The following XPO6 variants were observed in gnomAD, a reference collection of about 807,000 sequenced individuals.
XPO6 encodes exportin 6, also known as exportin-6.
A neutral mutation model predicts 130.0 loss-of-function variants in XPO6; 3 were observed. The observed-to-expected ratio is 0.02, with a 90% CI of 0.01 to 0.06. XPO6 has a LOEUF of 0.06. Ranked by LOEUF, XPO6 falls within the 10% of genes least tolerant of loss-of-function variation. The pLI, the probability that XPO6 is intolerant of heterozygous loss-of-function variation, is 1.00. For synonymous variants in XPO6, 524 were observed against 548.9 expected, an observed-to-expected ratio of 0.95 and a Z score of 0.63; for missense variants, 970 against 1,393.0, an observed-to-expected ratio of 0.70 and a Z score of 4.83.
intron 21 of XPO6, among the ~76,000 whole-genome samples, chr16:28,104,035 C>T (rs926073945): frequency 2.0e-5 from 3 of 152,224 alleles, no homozygotes; most frequent in Non-Finnish European, 2.9e-5. Flanking sequence ...CAGTCTTCCA[C>T]AGCAAGGGGT....
chr16:28,154,192 T>C (rs913834417), intron 7 of XPO6: 8 of 980,018 alleles, frequency 8.2e-6, no homozygotes, highest in Non-Finnish European at 9.6e-6. Context: ...TACATGGATA[T>C]TCAAAGTCAC....
chr16:28,161,161 G>C (rs1371920711), intron 6 of XPO6, among the ~76,000 whole-genome samples: 1 of 152,140 alleles, frequency 6.6e-6, no homozygotes, highest in African/African-American at 2.4e-5. Context: ...CATTTCTGAA[G>C]GGTTAACTGC....
chr16:28,194,069 G>A (rs750899868), intron 1 of XPO6, among the ~76,000 whole-genome samples: 5 of 151,856 alleles, frequency 3.3e-5, no homozygotes, highest in Admixed American at 6.6e-5. Context: ...CTAACCTCTC[G>A]GAGCTCAAGT....
intron 9 of XPO6, among the ~76,000 whole-genome samples, chr16:28,140,867 A>G (rs1203635829): frequency 6.6e-6 from 1 of 152,176 alleles, no homozygotes; most frequent in Non-Finnish European, 1.5e-5. Context: ...TGAATAAAGA[A>G]CAAATGAACA....
chr16:28,121,028 T>C (rs1354523112), intron 14 of XPO6, among the ~76,000 whole-genome samples: 1 of 152,260 alleles, frequency 6.6e-6, no homozygotes, highest in Non-Finnish European at 1.5e-5. Flanking sequence ...TTCTGGGCAG[T>C]GAAATCTCTG....
In XPO6 at chr16:28,101,079, A is replaced by G. The variant is rs1012762507; in HGVS notation, c.3276+379T>C. The stretch of plus-strand genomic sequence containing the variant: ...GAAGTGCAGCTCCCAAGCACCAACC[A>G]TCTCAGCCTGAATGCAAGCCTGGGC... On this transcript the variant is annotated intron_variant, in intron 23 of 23. Coordinates refer to ENST00000304658, the MANE Select transcript of XPO6 (RefSeq NM_015171.4). The surrounding 1 kb of genome is among the most constrained non-coding windows in gnomAD (Gnocchi z 5.4). The G allele has an allele frequency of 1.5e-5, 5 of 337,786 alleles. No homozygotes were observed. Among genetic ancestry groups the G allele is most frequent in the South Asian group, 1.2e-4 (5 of 40,954 alleles). The allele number at this position is 337,786 out of a possible 1,614,324, so 20.9% of individuals were successfully genotyped here. A position where few individuals can be genotyped will look rare whatever the true frequency, so the allele number is the denominator to read the frequency against.
At chr16:28,198,624 C>A (rs993132538) in intron 1 of XPO6, among the ~76,000 whole-genome samples, 2 of 147,264 alleles carry the variant, frequency 1.4e-5, no homozygotes, top group Non-Finnish European at 3.0e-5. Context: ...GGCAACACAG[C>A]GAGATCCTAT....
chr16:28,175,683 TA>T (rs67665437), intron 4 of XPO6, among the ~76,000 whole-genome samples: 685 of 2,798 alleles, frequency 0.24, 6 homozygotes, highest in African/African-American at 0.27. Flanking sequence ...CACAAGAGGT[TA>T]AAAAGAGATT....
chr16:28,192,842 A>G (rs1413044245), intron 1 of XPO6, among the ~76,000 whole-genome samples: 1 of 152,200 alleles, frequency 6.6e-6, no homozygotes, highest in African/African-American at 2.4e-5. Context: ...ATAAGCAATG[A>G]GAAAACTAAC....
intron 12 of XPO6, 130 bp from the exon 13 acceptor site, chr16:28,125,978 A>G: frequency 1.8e-6 from 2 of 1,125,838 alleles, no homozygotes; most frequent in Non-Finnish European, 2.5e-6. Context: ...AAAGCAACCC[A>G]CGGGCTGCTT....
chr16:28,122,583 C>G (rs759692095), intron 13 of XPO6, among the ~76,000 whole-genome samples: 1 of 151,938 alleles, frequency 6.6e-6, no homozygotes, highest in Non-Finnish European at 1.5e-5. Flanking sequence ...CCATTGCACT[C>G]CAGCCTGGGT....
intron 5 of XPO6, among the ~76,000 whole-genome samples, chr16:28,168,486 A>G (rs2043393572): frequency 6.6e-6 from 1 of 152,178 alleles, no homozygotes; most frequent in African/African-American, 2.4e-5. Flanking sequence ...CTGTCTCAAA[A>G]AAAGGAAAAA....
At chr16:28,176,208 A>T (rs1402284495) in intron 3 of XPO6, 113 bp from the exon 4 acceptor site, 24 of 964,500 alleles carry the variant, frequency 2.5e-5, no homozygotes, top group Non-Finnish European at 3.7e-5. Context: ...TCTTTAAATA[A>T]AGGTTTGGGG....
In XPO6 at chr16:28,101,874, G is replaced by T; in HGVS notation, c.3018C>A (p.Leu1006=). The T allele has an allele frequency of 6.2e-7, 1 of 1,614,100 alleles. No individual in the cohort carries two copies. Among genetic ancestry groups the T allele is most frequent in the South Asian group, 1.1e-5 (1 of 91,068 alleles). Reference sequence around the variant, plus strand: ...TGTGGTACAGCTTCTGCTTGGTGTTGAGAGTCTCCAAGTAGAAGAGATTTT... The same window carrying T: ...TGTGGTACAGCTTCTGCTTGGTGTTTAGAGTCTCCAAGTAGAAGAGATTTT... ...FKQNLFYLET[L]NTKQKLYHKK... The change falls in exon 22 of 24, where the codon CTC becomes CTA. Residue 1006 remains leucine, a synonymous_variant. Transcript: ENST00000304658. This position sits in a 1 kb window ranked among gnomAD's most constrained non-coding sequence, Gnocchi z 5.4.
chr16:28,169,349 T>G (rs2043413367), intron 5 of XPO6, among the ~76,000 whole-genome samples: 1 of 152,196 alleles, frequency 6.6e-6, no homozygotes. Flanking sequence ...ACACCATGTC[T>G]CACTTCCTTA....
chr16:28,208,792 C>G (rs760781351), intron 1 of XPO6, among the ~76,000 whole-genome samples: 20 of 152,294 alleles, frequency 1.3e-4, no homozygotes, highest in Non-Finnish European at 2.2e-4. Context: ...GTAAGTTTCC[C>G]AAGGGGAGGA....
intron 17 of XPO6, among the ~76,000 whole-genome samples, chr16:28,108,639 G>A (rs205363): frequency 0.26 from 40,312 of 152,182 alleles, 5,486 homozygotes; most frequent in Middle Eastern, 0.32. Context: ...GGCTCAGCCT[G>A]AGCCTAGCAG....
chr16:28,138,008 A>G (rs1053935207), intron 9 of XPO6, among the ~76,000 whole-genome samples: 24 of 152,118 alleles, frequency 1.6e-4, no homozygotes, highest in Admixed American at 8.5e-4. Context: ...TGACTCCCCA[A>G]CTGTATGCAA....
At chr16:28,154,194 C>A (rs970596270) in intron 7 of XPO6, 1 of 967,864 alleles carries the variant, frequency 1.0e-6, no homozygotes, top group Admixed American at 7.7e-5. Flanking sequence ...CATGGATATT[C>A]AAAGTCACCA....
Sources: gnomAD v4.1 joint callset for allele counts (sites outside exome capture counted in the v4.1 genomes callset) on GRCh38, gnomAD v4.1.1 for gene constraint, Gnocchi (gnomAD v3.1) non-coding constraint, MANE v1.5 for transcripts, NCBI Gene and HGNC (gene_info 2026-07-23, HGNC 2026-07-21) for gene names.